RC3H1: variants seen among roughly 807,000 people sequenced by gnomAD.
RC3H1 encodes roquin-1.
In RC3H1, 50 loss-of-function variants were observed where a neutral mutation model predicts 138.2. That is an observed-to-expected ratio of 0.36 (90% CI 0.29 to 0.46). The LOEUF (loss-of-function observed/expected upper bound fraction) is 0.46, where lower values mean the gene tolerates loss of function less well. RC3H1 is among the 20% of genes least tolerant of loss of function. The pLI is 1.00. For missense variants in RC3H1, 1,031 were observed against 1,388.1 expected, an observed-to-expected ratio of 0.74 and a Z score of 4.09; for synonymous variants, 462 against 489.1, an observed-to-expected ratio of 0.94 and a Z score of 0.73.
At position 173,961,910 on chromosome 1, in the gene RC3H1, G is replaced by GGCC. The variant is rs990278858; in HGVS notation, c.2014_2016dup (p.Gly672dup). 1.2e-6 allele frequency: 2 copies of GGCC among 1,613,880 alleles called. No individual in the cohort carries two copies. The stretch of plus-strand genomic sequence containing the variant: ...TAAGACGGAGCAGGGTACACTCGAC[G>GGCC]GCCATCATAGTGAGATGGGTATATA... On this transcript the variant is annotated inframe_insertion, in exon 12 of 20. Coordinates refer to ENST00000367696, the MANE Select transcript of RC3H1 (RefSeq NM_172071.4).
chr1:173,986,111 T>C (rs1036246373), intron 2 of RC3H1, among the ~76,000 whole-genome samples: 5 of 151,526 alleles, frequency 3.3e-5, no homozygotes, highest in Admixed American at 3.3e-4. Flanking sequence ...AACCTCCGCC[T>C]CCTGGGTTCC....
At chr1:173,969,457 T>C (rs1174593674) in intron 9 of RC3H1, 1 of 151,802 alleles carries the variant, frequency 6.6e-6, no homozygotes, top group Non-Finnish European at 1.5e-5. Context: ...TTGTAATGTA[T>C]TACTGAATTA....
At chr1:173,996,088 T>A (rs189125962) in intron 1 of RC3H1, among the ~76,000 whole-genome samples, 1 of 152,088 alleles carries the variant, frequency 6.6e-6, no homozygotes, top group African/African-American at 2.4e-5. Flanking sequence ...ACCCTATCTC[T>A]ACTAAAATTA....
chr1:173,974,418 T>C (rs1387269835), intron 7 of RC3H1, among the ~76,000 whole-genome samples: 1 of 152,112 alleles, frequency 6.6e-6, no homozygotes, highest in African/African-American at 2.4e-5. Context: ...AATTATCTTC[T>C]AATATTTGTT....
intron 2 of RC3H1, among the ~76,000 whole-genome samples, chr1:173,990,532 G>C (rs1228228154): frequency 6.6e-6 from 1 of 150,946 alleles, no homozygotes; most frequent in Admixed American, 6.6e-5. Context: ...CTATGTACCA[G>C]ACAGTCTTTC....
Position 173,936,509 on chromosome 1 carries a change from C to G in RC3H1, c.*2212G>C, listed in dbSNP as rs1488140236. 8.8e-6 allele frequency: 1 copy of G among 113,854 alleles called. No individual in the cohort carries two copies. The highest frequency in any genetic ancestry group is 3.7e-5 in the African/African-American group (1 of 27,282). The allele number at this position is 113,854 out of a possible 1,614,324, so 7.1% of individuals were successfully genotyped here. ...AGCCTGGGCAACAGAAGCAGACTCC[C>G]TCTCCAAAAAAAAAAAAAAAAAAAA... On this transcript the variant is annotated 3_prime_UTR_variant, in exon 20 of 20. Transcript: ENST00000367696.
At position 173,937,316 on chromosome 1, in the gene RC3H1, T is replaced by C. The variant is rs1213478972; in HGVS notation, c.*1405A>G. ...GAAAAATATAAACTCTTGTTTTTAC[T>C]CAACCAAAGCAATGTAGTAACTTAT... On this transcript the variant is annotated 3_prime_UTR_variant, in exon 20 of 20. Coordinates refer to ENST00000367696, the MANE Select transcript of RC3H1 (RefSeq NM_172071.4). The C allele has an allele frequency of 6.6e-6, 1 of 152,500 alleles. No individual in the cohort carries two copies. The highest frequency in any genetic ancestry group is 2.4e-5 in the African/African-American group (1 of 41,416). The allele number at this position is 152,500 out of a possible 1,614,324, so 9.4% of individuals were successfully genotyped here. A position where few individuals can be genotyped will look rare whatever the true frequency, so the allele number is the denominator to read the frequency against.
At chr1:173,949,964 C>A (rs909362335) in intron 14 of RC3H1, among the ~76,000 whole-genome samples, 1 of 151,904 alleles carries the variant, frequency 6.6e-6, no homozygotes, top group African/African-American at 2.4e-5. Flanking sequence ...GTCAGGAGTT[C>A]GAGACGAGCC....
chr1:174,013,789 T>TG (rs934003755), intron 1 of RC3H1, among the ~76,000 whole-genome samples: 1 of 151,412 alleles, frequency 6.6e-6, no homozygotes, highest in African/African-American at 2.4e-5. Context: ...TGAAAAGACA[T>TG]GAAGAGGGCC....
At chr1:173,999,328 C>G (rs1661518831) in intron 1 of RC3H1, among the ~76,000 whole-genome samples, 1 of 149,824 alleles carries the variant, frequency 6.7e-6, no homozygotes. Context: ...TGCGGTGAGC[C>G]GAGATCGTGC....
At chr1:173,955,151 G>C (rs1403945942) in intron 13 of RC3H1, among the ~76,000 whole-genome samples, 4 of 148,182 alleles carry the variant, frequency 2.7e-5, no homozygotes, top group Non-Finnish European at 4.5e-5. Context: ...GCTTGAACCT[G>C]GGAGGCGGAG....
intron 2 of RC3H1, 103 bp from the exon 3 acceptor site, chr1:173,984,722 G>A (rs60551050): frequency 3.5e-6 from 4 of 1,138,504 alleles, no homozygotes; most frequent in East Asian, 2.6e-5. Context: ...ACATCAAAAC[G>A]CCCACTAAAT....
intron 8 of RC3H1, among the ~76,000 whole-genome samples, chr1:173,971,318 ATATAAAT>A (rs1660352124): frequency 1.3e-5 from 2 of 152,200 alleles, no homozygotes; most frequent in Non-Finnish European, 2.9e-5. Context: ...ACTTTCAAAT[ATATAAAT>A]TATCTTCTAA....
At chr1:173,977,079 T>A (rs540541296) in intron 7 of RC3H1, among the ~76,000 whole-genome samples, 1 of 152,034 alleles carries the variant, frequency 6.6e-6, no homozygotes, top group Non-Finnish European at 1.5e-5. Context: ...CCCGCCACCA[T>A]GCCCAGCTAA....
At chr1:173,990,219 G>C (rs1165834958) in intron 2 of RC3H1, among the ~76,000 whole-genome samples, 1 of 151,428 alleles carries the variant, frequency 6.6e-6, no homozygotes, top group African/African-American at 2.4e-5. Context: ...GGGATTACAG[G>C]TGGGCACCTT....
rs535615489 is a variant in RC3H1 at position 173,946,030 on chromosome 1, A to G, written c.2961+446T>C. Reference sequence around the variant, plus strand: ...TAAAAATACAAAAAATTCGCTGAGTATGGTGGTGTACATCTATAACCCCAA... The same window carrying G: ...TAAAAATACAAAAAATTCGCTGAGTGTGGTGGTGTACATCTATAACCCCAA... On this transcript the variant is annotated intron_variant, in intron 17 of 19. Coordinates refer to ENST00000367696, the MANE Select transcript of RC3H1 (RefSeq NM_172071.4). Among the ~76,000 whole-genome samples, 26 of 152,162 alleles carry G rather than the reference A, an allele frequency of 1.7e-4. 2 individuals carry two copies. The South Asian group carries it at 5.0e-3, about 29-fold the overall frequency.
chr1:174,017,789 A>C (rs1341848521), intron 1 of RC3H1, among the ~76,000 whole-genome samples: 14 of 101,416 alleles, frequency 1.4e-4, no homozygotes, highest in African/African-American at 5.0e-4. Context: ...TGCTCAAAAA[A>C]AAAAAAAAAA....
chr1:173,952,043 A>G lies in RC3H1; in HGVS notation c.2466T>C (p.Ile822=). The part of the protein sequence containing the change: ...PWSCDTIGSY[I]GTKDAKPKDV... ...CTTTGGGTTTTGCATCTTTGGTTCCAATGTAGGAGCCGATGGTGTCACATG... is the reference window on the plus strand; with the variant it reads ...CTTTGGGTTTTGCATCTTTGGTTCCGATGTAGGAGCCGATGGTGTCACATG... The change falls in exon 14 of 20, where the codon ATT becomes ATC. Residue 822 remains isoleucine, a synonymous_variant. Coordinates refer to ENST00000367696, the MANE Select transcript of RC3H1 (RefSeq NM_172071.4). 1 of 1,608,376 alleles carries G rather than the reference A, an allele frequency of 6.2e-7. No individual in the cohort carries two copies. Among genetic ancestry groups the G allele is most frequent in the Non-Finnish European group, 8.5e-7 (1 of 1,177,066 alleles).
intron 1 of RC3H1, among the ~76,000 whole-genome samples, chr1:173,999,388 AAAAAG>A (rs1001013511): frequency 7.4e-6 from 1 of 135,206 alleles, no homozygotes; most frequent in Non-Finnish European, 1.5e-5. Context: ...CAAAAAAAAA[AAAAAG>A]AGAGAGAGAG....
Sources: allele counts gnomAD v4.1 joint callset (sites outside exome capture counted in the v4.1 genomes callset), GRCh38; gene constraint gnomAD v4.1.1; transcripts MANE v1.5; gene names NCBI Gene and HGNC (gene_info 2026-07-23, HGNC 2026-07-21).